Variants in SUGCT observed in about 807,000 individuals in gnomAD.
SUGCT encodes succinyl-CoA:glutarate-CoA transferase.
A neutral mutation model predicts 55.0 loss-of-function variants in SUGCT; 41 were observed. That is an observed-to-expected ratio of 0.74 (90% confidence interval 0.58 to 0.97). The LOEUF (loss-of-function observed/expected upper bound fraction) is 0.97. Ranked by LOEUF, SUGCT falls within the 50% of genes least tolerant of loss-of-function variation. The probability of loss-of-function intolerance (pLI) is 0.00; values close to 1 mark genes in which losing one functional copy is unlikely to be tolerated. For missense variants in SUGCT, 568 were observed against 547.8 expected (o/e 1.04, Z -0.37); for synonymous variants, 187 against 200.4 (o/e 0.93, Z 0.56).
intron 9 of SUGCT, among the ~76,000 whole-genome samples, chr7:40,375,043 G>T (rs993853984): frequency 2.0e-5 from 3 of 152,150 alleles, no homozygotes; most frequent in African/African-American, 7.2e-5. Flanking sequence ...CAGAAGGGAG[G>T]TCCTGAAACT....
At chr7:40,842,879 C>T (rs1584521260) in intron 13 of SUGCT, among the ~76,000 whole-genome samples, 2 of 152,314 alleles carry the variant, frequency 1.3e-5, no homozygotes, top group South Asian at 4.1e-4. Context: ...TTAACATTTT[C>T]TTGTCTACAT....
At chr7:40,341,854 CA>C (rs1362437041) in intron 9 of SUGCT, among the ~76,000 whole-genome samples, 2 of 152,100 alleles carry the variant, frequency 1.3e-5, no homozygotes, top group Non-Finnish European at 2.9e-5. Flanking sequence ...ACAGTTGAAG[CA>C]AAACCATTGT....
chr7:40,676,242 A>G (rs1163130589), intron 12 of SUGCT, among the ~76,000 whole-genome samples: 1 of 152,198 alleles, frequency 6.6e-6, no homozygotes, highest in East Asian at 1.9e-4. Context: ...TAGATAAAAT[A>G]GCATATAGAG....
intron 11 of SUGCT, among the ~76,000 whole-genome samples, chr7:40,486,524 G>T (rs1297731436): frequency 2.6e-5 from 4 of 151,646 alleles, no homozygotes; most frequent in Non-Finnish European, 5.9e-5. Context: ...GGGTTGGTCT[G>T]TTTTTGCTTT....
At chr7:40,894,694 C>T in the SUGCT span, among the ~76,000 whole-genome samples, 1 of 152,242 alleles carries the variant, frequency 6.6e-6, no homozygotes, top group Non-Finnish European at 1.5e-5. Context: ...ATGTGACCAA[C>T]AAGCATCTGA....
At chr7:40,359,478 T>G (rs1181416649) in intron 9 of SUGCT, among the ~76,000 whole-genome samples, 1 of 152,184 alleles carries the variant, frequency 6.6e-6, no homozygotes, top group Non-Finnish European at 1.5e-5. Flanking sequence ...ATGCTGGGAT[T>G]ACAGGCGTGA....
chr7:40,737,680 G>A (rs771661159), intron 12 of SUGCT, among the ~76,000 whole-genome samples: 4 of 152,132 alleles, frequency 2.6e-5, no homozygotes, highest in African/African-American at 9.7e-5. Flanking sequence ...TAATTGATAC[G>A]GGGATAACTG....
At position 40,602,880 on chromosome 7, in the gene SUGCT, CTT is replaced by C. The variant is rs550877777; in HGVS notation, c.1089+106495_1089+106496del. Among the ~76,000 whole-genome samples, 12 of 152,328 alleles carry C rather than the reference CTT, an allele frequency of 7.9e-5. No individual in the cohort carries two copies. The South Asian group carries it at 1.9e-3, about 24-fold the overall frequency. The stretch of plus-strand genomic sequence containing the variant: ...TAGGATTTTCCAACAGGATGACACT[CTT>C]AGGATATTCTCACTTTCTTCTAGAA... On this transcript the variant is annotated intron_variant, in intron 12 of 13. Coordinates refer to ENST00000335693, the MANE Select transcript of SUGCT (RefSeq NM_001193313.2).
the SUGCT span, among the ~76,000 whole-genome samples, chr7:41,022,884 T>C: frequency 3.3e-5 from 5 of 152,186 alleles, no homozygotes; most frequent in Admixed American, 2.6e-4. Context: ...AATATAAATA[T>C]AAACTTATCA....
intron 12 of SUGCT, among the ~76,000 whole-genome samples, chr7:40,532,850 A>G (rs1017455310): frequency 6.6e-6 from 1 of 152,206 alleles, no homozygotes; most frequent in Non-Finnish European, 1.5e-5. Flanking sequence ...AATTATGAAT[A>G]CAATATTTTA....
At chr7:40,933,960 T>G in the SUGCT span, among the ~76,000 whole-genome samples, 1 of 152,210 alleles carries the variant, frequency 6.6e-6, no homozygotes, top group Non-Finnish European at 1.5e-5. Flanking sequence ...TCATTCTTCA[T>G]CCAGCTTTGT....
chr7:40,705,196 T>C (rs1029992566), intron 12 of SUGCT, among the ~76,000 whole-genome samples: 2 of 152,216 alleles, frequency 1.3e-5, no homozygotes, highest in Non-Finnish European at 2.9e-5. Context: ...GAGATAATTA[T>C]AGGTTTGCAG....
intron 1 of SUGCT, among the ~76,000 whole-genome samples, chr7:40,170,795 A>G (rs543582513): frequency 8.4e-4 from 128 of 152,060 alleles, no homozygotes; most frequent in Non-Finnish European, 1.6e-3. Flanking sequence ...CAGGGTGCAT[A>G]ACCACCCATG....
intron 12 of SUGCT, among the ~76,000 whole-genome samples, chr7:40,699,207 G>A (rs1380449637): frequency 6.6e-6 from 1 of 152,212 alleles, no homozygotes; most frequent in Non-Finnish European, 1.5e-5. Flanking sequence ...GGCTATCAAA[G>A]ATGGGGCTCC....
chr7:40,227,317 G>A (rs1023376669), intron 6 of SUGCT, among the ~76,000 whole-genome samples: 3 of 151,838 alleles, frequency 2.0e-5, no homozygotes, highest in Non-Finnish European at 4.4e-5. Context: ...CCCAAAGTGC[G>A]GGGATTACAG....
At chr7:40,255,536 C>T (rs1456602755) in intron 7 of SUGCT, among the ~76,000 whole-genome samples, 1 of 151,260 alleles carries the variant, frequency 6.6e-6, no homozygotes, top group African/African-American at 2.4e-5. Flanking sequence ...TGGTGGATGC[C>T]TGTAATCCCA....
intron 9 of SUGCT, among the ~76,000 whole-genome samples, chr7:40,408,882 T>C (rs550139196): frequency 6.6e-6 from 1 of 152,246 alleles, no homozygotes; most frequent in African/African-American, 2.4e-5. Context: ...TGAACTTATT[T>C]TATGAACAGA....
intron 12 of SUGCT, among the ~76,000 whole-genome samples, chr7:40,592,094 G>A (rs1797757569): frequency 6.6e-6 from 1 of 152,130 alleles, no homozygotes; most frequent in African/African-American, 2.4e-5. Flanking sequence ...TGTAGAAAGT[G>A]TCAAATTTAC....
intron 13 of SUGCT, among the ~76,000 whole-genome samples, chr7:40,762,415 G>A (rs1788577475): frequency 6.6e-6 from 1 of 152,100 alleles, no homozygotes; most frequent in Admixed American, 6.6e-5. Context: ...GTGACAGTGA[G>A]GTTTATGATA....
Sources: gnomAD v4.1 joint callset for allele counts (sites outside exome capture counted in the v4.1 genomes callset) on GRCh38, gnomAD v4.1.1 for gene constraint, MANE v1.5 for transcripts, NCBI Gene and HGNC (gene_info 2026-07-23, HGNC 2026-07-21) for gene names.